The following HS6ST3 variants were observed in gnomAD, a reference collection of about 807,000 sequenced individuals.
The protein encoded by HS6ST3 is heparan-sulfate 6-O-sulfotransferase 3.
A neutral mutation model predicts 36.7 loss-of-function variants in HS6ST3; 12 were observed. That is an observed-to-expected ratio of 0.33 (90% CI 0.21 to 0.53). The LOEUF (loss-of-function observed/expected upper bound fraction) is 0.53. HS6ST3 is among the 20% of genes least tolerant of loss of function. The probability of loss-of-function intolerance (pLI) is 0.95; values close to 1 mark genes in which losing one functional copy is unlikely to be tolerated. For synonymous variants in HS6ST3, 240 were observed against 257.5 expected (o/e 0.93, Z 0.65); for missense variants, 584 against 640.9 (o/e 0.91, Z 0.96).
At chr13:96,828,064 G>C (rs1020735010) in intron 1 of HS6ST3, among the ~76,000 whole-genome samples, 3 of 152,104 alleles carry the variant, frequency 2.0e-5, no homozygotes, top group African/African-American at 7.2e-5. Flanking sequence ...CTGACCTTTT[G>C]GGAAATTTTC....
intron 1 of HS6ST3, among the ~76,000 whole-genome samples, chr13:96,723,314 A>C (rs561259039): frequency 6.6e-6 from 1 of 152,028 alleles, no homozygotes; most frequent in South Asian, 2.1e-4. Flanking sequence ...CGATCCCCAT[A>C]AGGTTCTCCA....
chr13:96,795,690 A>G (rs936010429), intron 1 of HS6ST3, among the ~76,000 whole-genome samples: 27 of 152,152 alleles, frequency 1.8e-4, no homozygotes, highest in Non-Finnish European at 2.9e-5. Flanking sequence ...AATTACTTCC[A>G]GGCTGACGCC....
At chr13:96,265,252 T>C (rs1045817101) in intron 1 of HS6ST3, among the ~76,000 whole-genome samples, 1 of 152,080 alleles carries the variant, frequency 6.6e-6, no homozygotes, top group African/African-American at 2.4e-5. Flanking sequence ...CATGGCTCAC[T>C]GTAGCCTCAA....
At chr13:96,188,565 T>A (rs1180228604) in intron 1 of HS6ST3, among the ~76,000 whole-genome samples, 1 of 152,198 alleles carries the variant, frequency 6.6e-6, no homozygotes, top group African/African-American at 2.4e-5. Context: ...AGAGATAATA[T>A]ATATGCTTCC....
At chr13:96,273,329 ACATTTTTCCCT>A (rs1455788666) in intron 1 of HS6ST3, among the ~76,000 whole-genome samples, 1 of 151,976 alleles carries the variant, frequency 6.6e-6, no homozygotes, top group Non-Finnish European at 1.5e-5. Context: ...AGATGCTAGG[ACATTTTTCCCT>A]CTTGACTGTG....
rs548370210 is a variant in HS6ST3 at position 96,398,342 on chromosome 13, G to A, written c.707+306773G>A. Among the ~76,000 whole-genome samples the A allele has an allele frequency of 1.6e-4, 24 of 152,170 alleles. 1 individual carries two copies. In the South Asian group the frequency reaches 5.0e-3, roughly 32 times the overall value. On this transcript the variant is annotated intron_variant, in intron 1 of 1. Transcript: ENST00000376705. Reference sequence around the variant, plus strand: ...CTGTTACCCAGGCTAGAGTACAGTGGCATGATCTCAGTTCACTGCAACCTC... The same window carrying A: ...CTGTTACCCAGGCTAGAGTACAGTGACATGATCTCAGTTCACTGCAACCTC...
chr13:96,832,740 G>C lies in HS6ST3; in HGVS notation c.958G>C (p.Val320Leu). The C allele has an allele frequency of 6.2e-7, 1 of 1,614,184 alleles. No individual in the cohort carries two copies. The highest frequency in any genetic ancestry group is 8.5e-7 in the Non-Finnish European group (1 of 1,180,010). ...QVRMLADLSL[V>L]GCYNLTFMNE... ...GCGCATGCTGGCTGACCTCAGCCTGGTGGGCTGCTATAACTTGACTTTCAT... is the reference window on the plus strand; with the variant it reads ...GCGCATGCTGGCTGACCTCAGCCTGCTGGGCTGCTATAACTTGACTTTCAT... The change falls in exon 2 of 2, where the codon GTG (valine) becomes CTG (leucine). Residue 320 changes from valine (V) to leucine (L), a missense_variant. By Grantham distance (32) the Val-to-Leu change is conservative (BLOSUM62 1). Transcript: ENST00000376705.
chr13:96,633,358 A>T (rs2139002094), intron 1 of HS6ST3, among the ~76,000 whole-genome samples: 1 of 152,326 alleles, frequency 6.6e-6, no homozygotes, highest in South Asian at 2.1e-4. Flanking sequence ...TCACAGAAAG[A>T]TGAGTTGGGG....
chr13:96,747,415 T>G (rs1876587889), intron 1 of HS6ST3, among the ~76,000 whole-genome samples: 1 of 152,160 alleles, frequency 6.6e-6, no homozygotes. Context: ...TGTTTTAAAA[T>G]AGGTGCTATG....
chr13:96,389,742 A>T (rs1566346522), intron 1 of HS6ST3, among the ~76,000 whole-genome samples: 2 of 152,294 alleles, frequency 1.3e-5, no homozygotes, highest in East Asian at 3.9e-4. Context: ...ATTTAGCTGA[A>T]ACCCTTTATT....
intron 1 of HS6ST3, among the ~76,000 whole-genome samples, chr13:96,822,207 C>T (rs376898118): frequency 6.6e-5 from 10 of 152,276 alleles, no homozygotes; most frequent in South Asian, 4.1e-4. Flanking sequence ...CACTCCAAGG[C>T]GGCTCCAGGC....
chr13:96,705,648 C>T (rs1875400776), intron 1 of HS6ST3, among the ~76,000 whole-genome samples: 1 of 152,188 alleles, frequency 6.6e-6, no homozygotes, highest in Non-Finnish European at 1.5e-5. Context: ...CATCCTCTCC[C>T]TATTTCTCAT....
intron 1 of HS6ST3, among the ~76,000 whole-genome samples, chr13:96,614,297 CAAAAA>C (rs67979751): frequency 2.3e-5 from 1 of 43,968 alleles, no homozygotes; most frequent in African/African-American, 9.3e-5. Context: ...GGATCCATCT[CAAAAA>C]AAAAAAAAAA....
chr13:96,573,886 T>C, intron 1 of HS6ST3: 2 of 488,630 alleles, frequency 4.1e-6, no homozygotes, highest in South Asian at 3.0e-5. Context: ...CTGAGCCCTC[T>C]CCCCCAGTCT....
chr13:96,245,950 G>A (rs1228689728), intron 1 of HS6ST3, among the ~76,000 whole-genome samples: 1 of 152,060 alleles, frequency 6.6e-6, no homozygotes, highest in African/African-American at 2.4e-5. Context: ...GAGTTAATAT[G>A]TTAAATTATT....
chr13:96,667,896 T>C lies in HS6ST3; in HGVS notation c.708-164594T>C, dbSNP rs2056669399. 2.0e-5 allele frequency among the ~76,000 whole-genome samples: 3 copies of C among 152,158 alleles called. No individual in the cohort carries two copies. The South Asian group carries it at 6.2e-4, about 32-fold the overall frequency. The stretch of plus-strand genomic sequence containing the variant: ...GCCCTTGTGCCAGAATTCTTGTCTG[T>C]AAACCCAGAAGCCACATTTTAGCAC... On this transcript the variant is annotated intron_variant, in intron 1 of 1. Coordinates refer to ENST00000376705, the MANE Select transcript of HS6ST3 (RefSeq NM_153456.4).
At chr13:96,416,308 A>T (rs553272374) in intron 1 of HS6ST3, among the ~76,000 whole-genome samples, 43 of 152,350 alleles carry the variant, frequency 2.8e-4, no homozygotes, top group African/African-American at 1.0e-3. Flanking sequence ...TTTGCAGTCA[A>T]TTGAAAAAAA....
chr13:96,369,974 AT>A (rs1270030861), intron 1 of HS6ST3, among the ~76,000 whole-genome samples: 1 of 152,062 alleles, frequency 6.6e-6, no homozygotes, highest in Non-Finnish European at 1.5e-5. Context: ...TGAAGCCTGA[AT>A]TTTCCACTAA....
intron 1 of HS6ST3, among the ~76,000 whole-genome samples, chr13:96,673,415 C>A (rs1383441978): frequency 6.6e-6 from 1 of 152,094 alleles, no homozygotes; most frequent in Non-Finnish European, 1.5e-5. Flanking sequence ...GTATTTCATT[C>A]CTTTTAGCTG....
Sources: allele counts gnomAD v4.1 joint callset (sites outside exome capture counted in the v4.1 genomes callset), GRCh38; gene constraint gnomAD v4.1.1; transcripts MANE v1.5; gene names NCBI Gene and HGNC (gene_info 2026-07-23, HGNC 2026-07-21).